The following KPNA1 variants were observed in gnomAD, a reference collection of about 807,000 sequenced individuals.
KPNA1 encodes the protein karyopherin subunit alpha 1, also known as importin subunit alpha-5.
Under a neutral mutation model 70.5 loss-of-function variants are expected in KPNA1, and 10 were observed. The ratio of observed to expected loss-of-function variants is 0.14; its 90% CI spans 0.09 to 0.24. KPNA1 has a LOEUF of 0.24. KPNA1 is among the 10% of genes least tolerant of loss of function. The probability of loss-of-function intolerance (pLI) is 1.00; values close to 1 mark genes in which losing one functional copy is unlikely to be tolerated. For synonymous variants in KPNA1, 192 were observed against 221.9 expected (o/e 0.87, Z 1.20); for missense variants, 397 against 637.9 (o/e 0.62, Z 4.07).
At position 122,442,707 on chromosome 3, in the gene KPNA1, A is replaced by C. The variant is rs1169424534; in HGVS notation, c.918-591T>G. On this transcript the variant is annotated intron_variant, in intron 9 of 13. Transcript: ENST00000344337. ...TTATTTCTAGCTAAATTAAGTCACT[A>C]TCTTTTGATTTTCCTTAAGGGTCCT... The C allele has an allele frequency of 5.9e-5, 9 of 152,176 alleles. 1 individual carries two copies. The highest frequency in any genetic ancestry group is 5.9e-4 in the Admixed American group (9 of 15,264). The allele number at this position is 152,176 out of a possible 1,614,324, so 9.4% of individuals were successfully genotyped here.
intron 1 of KPNA1, among the ~76,000 whole-genome samples, chr3:122,503,879 T>C (rs767146770): frequency 1.2e-4 from 19 of 152,192 alleles, no homozygotes; most frequent in Non-Finnish European, 2.4e-4. Context: ...TCCAATTATA[T>C]GACATTCTGG....
At chr3:122,472,953 C>T (rs751446478) in intron 2 of KPNA1, among the ~76,000 whole-genome samples, 5 of 152,034 alleles carry the variant, frequency 3.3e-5, no homozygotes, top group East Asian at 3.9e-4. Flanking sequence ...TGGTGGCGGG[C>T]GCCTGTAATC....
chr3:122,453,740 T>A (rs545997273), intron 6 of KPNA1, 130 bp downstream of exon 6: 1 of 716,302 alleles, frequency 1.4e-6, no homozygotes, highest in Non-Finnish European at 2.1e-6. Context: ...TTTCACCATG[T>A]TGGCTAGGCT....
chr3:122,466,609 T>C (rs1321460583), intron 3 of KPNA1, among the ~76,000 whole-genome samples: 1 of 152,154 alleles, frequency 6.6e-6, no homozygotes, highest in Non-Finnish European at 1.5e-5. Flanking sequence ...AGTAACAAAA[T>C]GGTTTACAAC....
intron 1 of KPNA1, among the ~76,000 whole-genome samples, chr3:122,510,082 A>G (rs1200308658): frequency 6.6e-6 from 1 of 152,222 alleles, no homozygotes; most frequent in Non-Finnish European, 1.5e-5. Context: ...GCAAACTTGA[A>G]GTAGAAGTTA....
chr3:122,449,888 T>C, intron 8 of KPNA1, 151 bp from the exon 9 acceptor site: 1 of 576,900 alleles, frequency 1.7e-6, no homozygotes, highest in Admixed American at 3.5e-5. Flanking sequence ...AAGTGGCATT[T>C]CCATCTTTGG....
chr3:122,432,784 A>G (rs933954567), intron 12 of KPNA1: 1 of 152,086 alleles, frequency 6.6e-6, no homozygotes, highest in Non-Finnish European at 1.5e-5. Context: ...CCACTCATTA[A>G]GCTTATAAGC....
chr3:122,434,172 G>C (rs1396132921), intron 11 of KPNA1, among the ~76,000 whole-genome samples: 1 of 152,142 alleles, frequency 6.6e-6, no homozygotes, highest in Non-Finnish European at 1.5e-5. Context: ...CCTGACCTCA[G>C]GTGATCCACC....
At chr3:122,482,257 T>C (rs2076579886) in intron 2 of KPNA1, among the ~76,000 whole-genome samples, 1 of 152,228 alleles carries the variant, frequency 6.6e-6, no homozygotes, top group Non-Finnish European at 1.5e-5. Flanking sequence ...AGGTAAAAAT[T>C]TGCATATCAA....
At chr3:122,427,818 A>C in intron 12 of KPNA1, 102 bp from the exon 13 acceptor site, 2 of 700,972 alleles carry the variant, frequency 2.9e-6, no homozygotes, top group East Asian at 2.9e-5. Flanking sequence ...AGACTTAAAA[A>C]AAAAAACAAA....
chr3:122,456,915 G>A (rs890974555), intron 5 of KPNA1, among the ~76,000 whole-genome samples: 5 of 152,130 alleles, frequency 3.3e-5, no homozygotes, highest in African/African-American at 1.2e-4. Flanking sequence ...CACACACAGG[G>A]TGCTGATTAC....
intron 4 of KPNA1, among the ~76,000 whole-genome samples, chr3:122,462,854 C>T (rs996362520): frequency 2.0e-5 from 3 of 152,206 alleles, no homozygotes; most frequent in African/African-American, 7.2e-5. Context: ...ACGTTATAAT[C>T]GGGTTCAGAA....
chr3:122,489,297 TTG>T (rs1467483066), intron 2 of KPNA1, among the ~76,000 whole-genome samples: 4 of 151,274 alleles, frequency 2.6e-5, no homozygotes, highest in Non-Finnish European at 4.4e-5. Flanking sequence ...TTTTTTTTGT[TTG>T]TTTTTTTTTT....
chr3:122,447,755 A>G (rs2076155968), intron 9 of KPNA1, among the ~76,000 whole-genome samples: 1 of 152,198 alleles, frequency 6.6e-6, no homozygotes, highest in Non-Finnish European at 1.5e-5. Context: ...AGATGACATG[A>G]TTCTATATTT....
chr3:122,490,270 G>A (rs977951263), intron 2 of KPNA1, among the ~76,000 whole-genome samples: 7 of 152,278 alleles, frequency 4.6e-5, no homozygotes, highest in African/African-American at 1.7e-4. Context: ...CAGCGAGGCT[G>A]TGGGCTCTGC....
chr3:122,481,615 A>T (rs1293023472), intron 2 of KPNA1, among the ~76,000 whole-genome samples: 1 of 152,214 alleles, frequency 6.6e-6, no homozygotes, highest in Admixed American at 6.5e-5. Context: ...GAAGTACTGG[A>T]ACTCTATGAA....
intron 2 of KPNA1, among the ~76,000 whole-genome samples, chr3:122,478,153 G>T (rs2076524656): frequency 7.7e-6 from 1 of 129,732 alleles, no homozygotes; most frequent in Non-Finnish European, 1.6e-5. Flanking sequence ...AGAGCGAGAT[G>T]CTGTCTCAAA....
At chr3:122,453,614 G>A (rs1475772733) in intron 6 of KPNA1, among the ~76,000 whole-genome samples, 1 of 151,896 alleles carries the variant, frequency 6.6e-6, no homozygotes, top group Non-Finnish European at 1.5e-5. Flanking sequence ...TCGGCTCACT[G>A]TAACCTCCAC....
intron 12 of KPNA1, among the ~76,000 whole-genome samples, chr3:122,428,114 C>T (rs1375959766): frequency 1.3e-5 from 2 of 152,124 alleles, no homozygotes; most frequent in African/African-American, 4.8e-5. Context: ...CCTGATAAGC[C>T]AAATCTTTCA....
Sources: gnomAD v4.1 joint callset for allele counts (sites outside exome capture counted in the v4.1 genomes callset) on GRCh38, gnomAD v4.1.1 for gene constraint, MANE v1.5 for transcripts, NCBI Gene and HGNC (gene_info 2026-07-23, HGNC 2026-07-21) for gene names.